The following CFAP74 variants were observed in gnomAD, a reference collection of about 807,000 sequenced individuals.
CFAP74 encodes the protein cilia and flagella associated protein 74, also known as cilia- and flagella-associated protein 74.
Under a neutral mutation model 188.9 loss-of-function variants are expected in CFAP74, and 124 were observed. The ratio of observed to expected loss-of-function variants is 0.66; its 90% confidence interval spans 0.57 to 0.76. The LOEUF (loss-of-function observed/expected upper bound fraction) is 0.76. Among genes scored for constraint, CFAP74 ranks in the 30% least tolerant of loss-of-function variants. The probability of loss-of-function intolerance (pLI) is 0.00; values close to 1 mark genes in which losing one functional copy is unlikely to be tolerated. For missense variants in CFAP74, 2,198 were observed against 2,165.2 expected (o/e 1.02, Z -0.30); for synonymous variants, 956 against 916.7 (o/e 1.04, Z -0.77).
intron 10 of CFAP74, among the ~76,000 whole-genome samples, chr1:1,969,567 G>A (rs544522121): frequency 2.3e-4 from 35 of 152,268 alleles, no homozygotes; most frequent in African/African-American, 7.5e-4. Flanking sequence ...CTAGGCTGGC[G>A]TGGGGCTGCC....
intron 6 of CFAP74, among the ~76,000 whole-genome samples, chr1:1,977,090 C>G (rs924816384): frequency 1.3e-5 from 2 of 151,964 alleles, no homozygotes. Flanking sequence ...CCTCATGATC[C>G]ACCCACCTTG....
chr1:1,966,563 C>A, intron 11 of CFAP74, 37 bp from the exon 12 acceptor site: 1 of 1,474,788 alleles, frequency 6.8e-7, no homozygotes, highest in Non-Finnish European at 9.0e-7. Context: ...AAGACACGCT[C>A]ATGACAGAGA....
rs1310549462 is a variant in CFAP74, at chr1:1,993,826, C to CA, written c.-19-2852dup. 4.5e-4 allele frequency among the ~76,000 whole-genome samples: 63 copies of CA among 140,646 alleles called. No individual in the cohort carries two copies. The South Asian group carries it at 5.1e-3, about 11-fold the overall frequency. The allele number at this position is 140,646 out of a possible 152,430, so 92.3% of individuals were successfully genotyped here. Reference sequence around the variant, plus strand: ...TGAAACCCCACCTCTACTAAAAATACAAAAAATTAGCCGGGCGTGGTGGCG... The same window carrying CA: ...TGAAACCCCACCTCTACTAAAAATACAAAAAAATTAGCCGGGCGTGGTGGCG... On this transcript the variant is annotated intron_variant, in intron 1 of 38. Transcript: ENST00000682832.
chr1:1,943,407 G>A (rs1414296196), intron 21 of CFAP74, among the ~76,000 whole-genome samples: 15 of 152,326 alleles, frequency 9.8e-5, no homozygotes, highest in African/African-American at 3.4e-4. Context: ...GACAGGCGCC[G>A]CGGGAGCTGT....
At chr1:1,970,950 C>A in intron 9 of CFAP74, 134 bp from the exon 10 acceptor site, 1 of 1,045,616 alleles carries the variant, frequency 9.6e-7, no homozygotes, top group East Asian at 2.4e-5. Flanking sequence ...TGCACACCTG[C>A]ACATGCACAC....
chr1:1,971,129 GCA>G (rs762294621), intron 9 of CFAP74, among the ~76,000 whole-genome samples: 15 of 139,494 alleles, frequency 1.1e-4, no homozygotes, highest in South Asian at 2.3e-4. Flanking sequence ...GCTCACACGT[GCA>G]CACACATGCT....
chr1:1,950,625 C>T (rs1380851973), intron 18 of CFAP74, among the ~76,000 whole-genome samples: 1 of 152,106 alleles, frequency 6.6e-6, no homozygotes, highest in Non-Finnish European at 1.5e-5. Flanking sequence ...CAGGTGTGAG[C>T]CACCGCGCCT....
rs752847410 is a variant in CFAP74 at position 1,925,820 on chromosome 1, T to C, written c.4067A>G (p.Tyr1356Cys). The change falls in exon 33 of 39, where the codon TAT becomes TGT. Residue 1356 changes from tyrosine to cysteine, a missense_variant. By Grantham distance (194) the Tyr-to-Cys change is radical. Transcript: ENST00000682832. ...GGACACAGACTCTCCGGCAATCACA[T>C]AGCCCATGTTGAGGACGCTGCCTTC... ...SIEGSVLNMG[Y>C]VIAGESVSSG... 6.2e-7 allele frequency: 1 copy of C among 1,612,662 alleles called. No homozygotes were observed. Among genetic ancestry groups the C allele is most frequent in the Non-Finnish European group, 8.5e-7 (1 of 1,179,896 alleles).
rs754734257 is a variant in CFAP74 at position 1,925,901 on chromosome 1, G to A, written c.3986C>T (p.Thr1329Met). Residue 1329 changes from threonine (T) to methionine (M), a missense_variant, in exon 33 of 39, where the codon ACG (threonine) becomes ATG (methionine). Physicochemically the swap from Thr to Met is moderately conservative, Grantham distance 81 (BLOSUM62 -1). Coordinates refer to ENST00000682832, the MANE Select transcript of CFAP74 (RefSeq NM_001304360.2). ...AGTGCCCATGAGGGTGAGGGTGAGC[G>A]TGCCTCTCTTGGTGATGATGTCCAG... ...ETLDIITKRG[T>M]LTLTLMGTGV... 18 of 1,612,290 alleles carry A rather than the reference G, an allele frequency of 1.1e-5. No homozygotes were observed. Among genetic ancestry groups the A allele is most frequent in the Admixed American group, 8.3e-5 (5 of 59,936 alleles).
At chr1:1,938,081 G>C (rs543669711) in intron 25 of CFAP74, among the ~76,000 whole-genome samples, 1 of 139,704 alleles carries the variant, frequency 7.2e-6, no homozygotes, top group Non-Finnish European at 1.5e-5. Context: ...CAACACACAC[G>C]CACTCACACT....
intron 37 of CFAP74, 64 bp downstream of exon 37, chr1:1,922,921 G>A: frequency 6.6e-7 from 1 of 1,518,972 alleles, no homozygotes; most frequent in Non-Finnish European, 8.8e-7. Context: ...GAGGGTCAGG[G>A]CTGCCCAGGG....
chr1:1,951,394 C>T (rs917815537), intron 18 of CFAP74, among the ~76,000 whole-genome samples: 2 of 152,178 alleles, frequency 1.3e-5, no homozygotes, highest in Admixed American at 6.5e-5. Flanking sequence ...TTGTTATGGC[C>T]TCACTTGTTG....
At chr1:1,932,122 C>T (rs1204910651) in intron 25 of CFAP74, among the ~76,000 whole-genome samples, 7 of 147,404 alleles carry the variant, frequency 4.7e-5, no homozygotes, top group Admixed American at 2.1e-4. Flanking sequence ...GTAGGCCGGG[C>T]GCGGTGGCTC....
rs1653607019 is a variant in CFAP74 at position 1,944,392 on chromosome 1, CGCT to C, written c.2422_2424del (p.Ser808del). 1.1e-5 allele frequency: 17 copies of C among 1,536,138 alleles called. No individual in the cohort carries two copies. Among genetic ancestry groups the C allele is most frequent in the Non-Finnish European group, 1.5e-5 (17 of 1,146,908 alleles). ...TCATACATGCAGATCTTCAGGTCCACGCTGGGCTTCGGCACCCAGACCGGCACA... is the reference window on the plus strand; with the variant it reads ...TCATACATGCAGATCTTCAGGTCCACGGGCTTCGGCACCCAGACCGGCACA... On this transcript the variant is annotated inframe_deletion, in exon 21 of 39. Coordinates refer to ENST00000682832, the MANE Select transcript of CFAP74 (RefSeq NM_001304360.2).
chr1:1,964,001 C>A, intron 13 of CFAP74, 134 bp from the exon 14 acceptor site: 1 of 690,388 alleles, frequency 1.4e-6, no homozygotes, highest in Non-Finnish European at 2.6e-6. Context: ...GAACAATTTC[C>A]AAGGTTTCTC....
intron 23 of CFAP74, 88 bp from the exon 24 acceptor site, chr1:1,939,855 G>A (rs1653241819): frequency 5.4e-6 from 7 of 1,294,154 alleles, no homozygotes; most frequent in Non-Finnish European, 7.4e-6. Context: ...CACTGCTGCT[G>A]CCTTGTGGCC....
At position 1,926,503 on chromosome 1, in the gene CFAP74, C is replaced by G. The variant is rs947658545; in HGVS notation, c.3782G>C (p.Ser1261Thr). ...NFGDVAVGHRSIKKISIQNVS... is the reference protein window; with the variant it reads ...NFGDVAVGHRTIKKISIQNVS... ...GTTCTGGATGGAGATCTTCTTGATA[C>G]TGCGGTGCCCTGAAATGGGGCAGGG... Residue 1261 changes from serine (S) to threonine (T), a missense_variant, in exon 31 of 39, where the codon AGT becomes ACT. Transcript: ENST00000682832. 7.1e-6 allele frequency: 11 copies of G among 1,550,162 alleles called. No homozygotes were observed. The highest frequency in any genetic ancestry group is 9.6e-6 in the Non-Finnish European group (11 of 1,146,904).
chr1:1,985,151 A>G lies in CFAP74; in HGVS notation c.500+235T>C, dbSNP rs146735414. On this transcript the variant is annotated intron_variant, in intron 6 of 38. Transcript: ENST00000682832. ...AAGCATGAGAAACGAGGAAAGAGGAAAAAGAACCTGATTTTGGAGTTCCTA... is the reference window on the plus strand; with the variant it reads ...AAGCATGAGAAACGAGGAAAGAGGAGAAAGAACCTGATTTTGGAGTTCCTA... 2.3e-3 allele frequency: 1,091 copies of G among 472,744 alleles called. 14 individuals are homozygous for G. Among genetic ancestry groups the G allele is most frequent in the African/African-American group, 0.019 (986 of 52,116 alleles). 29.3% of individuals were successfully genotyped at this position (472,744 alleles called of 1,614,324 possible). A position where few individuals can be genotyped will look rare whatever the true frequency, so the allele number is the denominator to read the frequency against.
Position 2,000,870 on chromosome 1 carries a change from C to T in CFAP74, c.-20+2831G>A, listed in dbSNP as rs754981934. 7.0e-4 allele frequency among the ~76,000 whole-genome samples: 106 copies of T among 152,180 alleles called. 1 individual carries two copies. The highest frequency in any genetic ancestry group is 1.2e-3 in the Non-Finnish European group (83 of 68,032). ...GGCTTAGAGACAGCCCCGATGGCCA[C>T]GGTGCCACTGTGTGGATGAATCTCT... On this transcript the variant is annotated intron_variant, in intron 1 of 38. Coordinates refer to ENST00000682832, the MANE Select transcript of CFAP74 (RefSeq NM_001304360.2).
Sources: gnomAD v4.1 joint callset for allele counts (sites outside exome capture counted in the v4.1 genomes callset) on GRCh38, gnomAD v4.1.1 for gene constraint, MANE v1.5 for transcripts, NCBI Gene and HGNC (gene_info 2026-07-23, HGNC 2026-07-21) for gene names.